ASTN2: variants seen among roughly 807,000 people sequenced by gnomAD.
The protein encoded by ASTN2 is astrotactin-2.
In ASTN2, 54 loss-of-function variants were observed where a neutral mutation model predicts 139.8. The ratio of observed to expected loss-of-function variants is 0.39; its 90% confidence interval spans 0.31 to 0.48. The LOEUF (loss-of-function observed/expected upper bound fraction) is 0.48, where lower values mean the gene tolerates loss of function less well. Ranked by LOEUF, ASTN2 falls within the 20% of genes least tolerant of loss-of-function variation. The pLI is 0.95. For synonymous variants in ASTN2, 756 were observed against 719.5 expected, an observed-to-expected ratio of 1.05 and a Z score of -0.81; for missense variants, 1,565 against 1,725.1, an observed-to-expected ratio of 0.91 and a Z score of 1.64.
chr9:117,007,778 T>A (rs1837399290), intron 7 of ASTN2, among the ~76,000 whole-genome samples: 1 of 152,146 alleles, frequency 6.6e-6, no homozygotes, highest in African/African-American at 2.4e-5. Context: ...TTGCTCAAGA[T>A]CACCCAGCTA....
At chr9:116,709,891 A>T (rs1372430586) in intron 16 of ASTN2, among the ~76,000 whole-genome samples, 2 of 152,218 alleles carry the variant, frequency 1.3e-5, no homozygotes, top group Admixed American at 1.3e-4. Context: ...GAAAGCCATA[A>T]TGGTTTATTT....
intron 16 of ASTN2, among the ~76,000 whole-genome samples, chr9:116,658,171 G>C (rs1258865477): frequency 6.6e-6 from 1 of 152,106 alleles, no homozygotes; most frequent in East Asian, 1.9e-4. Flanking sequence ...GCCAGCTCAA[G>C]TGTTACATGC....
chr9:116,918,821 T>C (rs1834522823), intron 10 of ASTN2, among the ~76,000 whole-genome samples: 1 of 152,196 alleles, frequency 6.6e-6, no homozygotes, highest in Non-Finnish European at 1.5e-5. Context: ...TAAGTCTATA[T>C]AGTTAACAAA....
chr9:117,047,650 T>C (rs1248602968), intron 5 of ASTN2, among the ~76,000 whole-genome samples: 1 of 152,192 alleles, frequency 6.6e-6, no homozygotes, highest in East Asian at 1.9e-4. Context: ...ATAGGATATA[T>C]TTAATATCTC....
chr9:117,166,054 T>C (rs948252241), intron 3 of ASTN2, among the ~76,000 whole-genome samples: 3 of 152,116 alleles, frequency 2.0e-5, no homozygotes, highest in Non-Finnish European at 4.4e-5. Flanking sequence ...TCCTGCTTAT[T>C]AGTAATTATA....
At chr9:117,152,115 T>A (rs1830338677) in intron 3 of ASTN2, among the ~76,000 whole-genome samples, 1 of 152,200 alleles carries the variant, frequency 6.6e-6, no homozygotes, top group East Asian at 1.9e-4. Context: ...TTGTGGGGTT[T>A]CTTCTTTTGG....
chr9:116,921,972 A>G lies in ASTN2; in HGVS notation c.1889+53236T>C, dbSNP rs188178017. 8.2e-4 allele frequency among the ~76,000 whole-genome samples: 125 copies of G among 152,300 alleles called. 1 individual carries two copies. The highest frequency in any genetic ancestry group is 1.2e-3 in the Non-Finnish European group (80 of 68,018). On this transcript the variant is annotated intron_variant, in intron 10 of 22. Coordinates refer to ENST00000313400, the MANE Select transcript of ASTN2 (RefSeq NM_001365068.1). ...GGCCCCACATCCAGCTCTGGATATT[A>G]CAACTGAACATGGGATTTGGGTGGC...
At chr9:117,000,677 TA>T (rs147460666) in intron 7 of ASTN2, among the ~76,000 whole-genome samples, 4,142 of 152,286 alleles carry the variant, frequency 0.027, 132 homozygotes, top group East Asian at 0.15. Context: ...GGAAGGAGCA[TA>T]ATGTCACTCT....
intron 16 of ASTN2, among the ~76,000 whole-genome samples, chr9:116,684,458 G>A (rs564673342): frequency 3.3e-5 from 5 of 152,188 alleles, no homozygotes; most frequent in African/African-American, 9.6e-5. Flanking sequence ...ATTATTTGTG[G>A]GTTGGAAGTC....
intron 5 of ASTN2, among the ~76,000 whole-genome samples, chr9:117,065,016 T>C (rs1827892453): frequency 6.6e-6 from 1 of 152,138 alleles, no homozygotes; most frequent in South Asian, 2.1e-4. Flanking sequence ...GATGAGATCA[T>C]ACTCTGTTTA....
At chr9:117,412,919 C>T (rs1416519189) in intron 1 of ASTN2, among the ~76,000 whole-genome samples, 1 of 152,188 alleles carries the variant, frequency 6.6e-6, no homozygotes, top group Admixed American at 6.5e-5. Flanking sequence ...GGCAGCCCCA[C>T]AGGTGCACGT....
intron 10 of ASTN2, among the ~76,000 whole-genome samples, chr9:116,905,868 G>T (rs1446875957): frequency 7.9e-4 from 110 of 138,574 alleles, no homozygotes; most frequent in African/African-American, 2.8e-3. Context: ...TTTTTTTTTG[G>T]GGGGGGGTGC....
intron 17 of ASTN2, among the ~76,000 whole-genome samples, chr9:116,642,935 C>T (rs1339855720): frequency 6.6e-6 from 1 of 152,290 alleles, no homozygotes; most frequent in East Asian, 1.9e-4. Flanking sequence ...TCTACCAAAT[C>T]TTTCAGGCCT....
At chr9:116,631,000 A>T (rs990341790) in intron 17 of ASTN2, among the ~76,000 whole-genome samples, 4 of 152,200 alleles carry the variant, frequency 2.6e-5, no homozygotes, top group African/African-American at 9.7e-5. Context: ...CAAAACCACA[A>T]TGAGATATCA....
At chr9:117,079,788 T>C (rs74622063) in intron 5 of ASTN2, among the ~76,000 whole-genome samples, 420 of 148,596 alleles carry the variant, frequency 2.8e-3, no homozygotes, top group East Asian at 0.019. Context: ...TCATAGACAA[T>C]TGAGAGCAGC....
At chr9:116,556,536 CA>C (rs1193171218) in intron 19 of ASTN2, among the ~76,000 whole-genome samples, 1 of 152,190 alleles carries the variant, frequency 6.6e-6, no homozygotes, top group Non-Finnish European at 1.5e-5. Context: ...ATCTCTAAGC[CA>C]CCTGTTTTTA....
intron 6 of ASTN2, among the ~76,000 whole-genome samples, chr9:117,016,896 C>T (rs1030787955): frequency 4.0e-5 from 6 of 150,778 alleles, no homozygotes; most frequent in African/African-American, 1.5e-4. Flanking sequence ...AAGTGCTGTG[C>T]CCAAATTTGC....
intron 1 of ASTN2, among the ~76,000 whole-genome samples, chr9:117,371,478 CAATGTTTCCAAGG>C (rs1002021766): frequency 2.6e-5 from 4 of 152,222 alleles, no homozygotes; most frequent in East Asian, 1.9e-4. Context: ...AGTTGGGGAG[CAATGTTTCCAAGG>C]AATGTTTCCA....
intron 5 of ASTN2, among the ~76,000 whole-genome samples, chr9:117,042,811 AC>A (rs1321045559): frequency 6.6e-6 from 1 of 151,766 alleles, no homozygotes; most frequent in African/African-American, 2.4e-5. Flanking sequence ...ATTTAGCAAA[AC>A]CCCTACAATA....
Sources: gnomAD v4.1 joint callset for allele counts (sites outside exome capture counted in the v4.1 genomes callset) on GRCh38, gnomAD v4.1.1 for gene constraint, MANE v1.5 for transcripts, NCBI Gene and HGNC (gene_info 2026-07-23, HGNC 2026-07-21) for gene names.